The following USP45 variants were observed in gnomAD, a reference collection of about 807,000 sequenced individuals.
The protein encoded by USP45 is ubiquitin specific peptidase 45, also known as ubiquitin carboxyl-terminal hydrolase 45.
A neutral mutation model predicts 95.8 loss-of-function variants in USP45; 89 were observed. The ratio of observed to expected loss-of-function variants is 0.93; its 90% CI spans 0.78 to 1.11. The LOEUF is 1.11. Ranked by LOEUF, USP45 falls within the 50% of genes least tolerant of loss-of-function variation. The probability of loss-of-function intolerance (pLI) is 0.00; values close to 1 mark genes in which losing one functional copy is unlikely to be tolerated. For missense variants in USP45, 898 were observed against 942.5 expected, an observed-to-expected ratio of 0.95 and a Z score of 0.62; for synonymous variants, 281 against 316.2, an observed-to-expected ratio of 0.89 and a Z score of 1.18.
intron 9 of USP45, among the ~76,000 whole-genome samples, chr6:99,470,825 T>C (rs1244159815): frequency 6.6e-6 from 1 of 152,154 alleles, no homozygotes; most frequent in Non-Finnish European, 1.5e-5. Flanking sequence ...TAAATACCAA[T>C]GTTCACTCGC....
chr6:99,446,527 A>G, intron 13 of USP45, 64 bp from the exon 14 acceptor site: 1 of 1,395,270 alleles, frequency 7.2e-7, no homozygotes, highest in South Asian at 1.4e-5. Flanking sequence ...AAATGCCAAT[A>G]ATTCTTAAAC....
chr6:99,462,761 C>G, intron 13 of USP45: 1 of 889,302 alleles, frequency 1.1e-6, no homozygotes, highest in Non-Finnish European at 1.4e-6. Flanking sequence ...AGGTAGATCA[C>G]TTGAGGTCAT....
chr6:99,446,324 T>C lies in USP45; in HGVS notation c.1448A>G (p.Asn483Ser). 1 of 1,614,228 alleles carries C rather than the reference T, an allele frequency of 6.2e-7. No individual in the cohort carries two copies. The highest frequency in any genetic ancestry group is 1.1e-5 in the South Asian group (1 of 91,088). Residue 483 changes from asparagine (N) to serine (S), a missense_variant, in exon 14 of 18, where the codon AAT becomes AGT. Coordinates refer to ENST00000500704, the MANE Select transcript of USP45 (RefSeq NM_001346022.3). The part of the protein sequence containing the change: ...ASLMNSESRL[N>S]ESPTDDSEKE... Reference sequence around the variant, plus strand: ...TTCACTGTCATCAGTAGGGCTTTCATTCAGACGTGACTCAGAATTCATGAG... The same window carrying C: ...TTCACTGTCATCAGTAGGGCTTTCACTCAGACGTGACTCAGAATTCATGAG...
intron 2 of USP45, 37 bp downstream of exon 2, chr6:99,510,084 C>T (rs953342270): frequency 1.4e-6 from 2 of 1,474,524 alleles, no homozygotes; most frequent in Admixed American, 1.7e-5. Flanking sequence ...GTTATTTCTT[C>T]TCAACACTAT....
intron 7 of USP45, among the ~76,000 whole-genome samples, chr6:99,487,775 C>T (rs1041286696): frequency 3.3e-5 from 5 of 151,964 alleles, no homozygotes; most frequent in Non-Finnish European, 7.4e-5. Flanking sequence ...AGCCTGCACT[C>T]CAGCGACAGA....
At chr6:99,504,305 A>T (rs1798032652) in intron 4 of USP45, among the ~76,000 whole-genome samples, 1 of 152,016 alleles carries the variant, frequency 6.6e-6, no homozygotes, top group Non-Finnish European at 1.5e-5. Flanking sequence ...ACGCCCAGCT[A>T]ATTTTTGTAT....
chr6:99,503,706 G>A, intron 5 of USP45, 59 bp downstream of exon 5: 1 of 1,118,620 alleles, frequency 8.9e-7, no homozygotes, highest in Non-Finnish European at 1.3e-6. Flanking sequence ...ATGAATTTAT[G>A]AACTCTATAT....
At position 99,432,447 on chromosome 6, in the gene USP45, G is replaced by A. The variant is rs1779849538; in HGVS notation, c.*3269C>T. The A allele has an allele frequency of 6.6e-6, 1 of 151,942 alleles. No individual in the cohort carries two copies. The highest frequency in any genetic ancestry group is 6.6e-5 in the Admixed American group (1 of 15,246). The allele number at this position is 151,942 out of a possible 1,614,324, so 9.4% of individuals were successfully genotyped here. A position where few individuals can be genotyped will look rare whatever the true frequency, so the allele number is the denominator to read the frequency against. Reference sequence around the variant, plus strand: ...TTCCAGGACCAATCTTGTAACATGAGATAAATAAGAATATTTATTATGCAT... The same window carrying A: ...TTCCAGGACCAATCTTGTAACATGAAATAAATAAGAATATTTATTATGCAT... On this transcript the variant is annotated 3_prime_UTR_variant, in exon 18 of 18. Transcript: ENST00000500704.
intron 11 of USP45, among the ~76,000 whole-genome samples, 158 bp from the exon 12 acceptor site, chr6:99,465,294 T>A (rs1005519676): frequency 6.6e-6 from 1 of 152,054 alleles, no homozygotes; most frequent in Non-Finnish European, 1.5e-5. Flanking sequence ...TTGCAGCACA[T>A]TGTTAATCAA....
intron 13 of USP45, among the ~76,000 whole-genome samples, chr6:99,459,049 T>A (rs1431732354): frequency 6.6e-6 from 1 of 152,182 alleles, no homozygotes; most frequent in East Asian, 1.9e-4. Flanking sequence ...GGTAAACTTG[T>A]GTCACAGGGG....
intron 4 of USP45, among the ~76,000 whole-genome samples, chr6:99,505,332 A>C (rs959544782): frequency 2.0e-5 from 3 of 152,202 alleles, no homozygotes; most frequent in Non-Finnish European, 4.4e-5. Context: ...GTGATCATTT[A>C]AGAACATGTG....
intron 7 of USP45, among the ~76,000 whole-genome samples, chr6:99,487,633 C>CAAAAAAAAAAAAAAAAAA (rs11335830): frequency 5.6e-5 from 6 of 106,392 alleles, no homozygotes; most frequent in Non-Finnish European, 9.3e-5. Context: ...ACTAAAAATA[C>CAAAAAAAAAAAAAAAAAA]AAAAAAAAAA....
Position 99,464,708 on chromosome 6 carries a change from T to C in USP45, c.1204A>G (p.Arg402Gly). 6.2e-7 allele frequency: 1 copy of C among 1,611,422 alleles called. No individual in the cohort carries two copies. Among genetic ancestry groups the C allele is most frequent in the Non-Finnish European group, 8.5e-7 (1 of 1,179,500 alleles). ...PLLWGRMNKY[R>G]SLRETDHDRY... ...TCATGATCTGTCTCCCGTAAACTTC[T>C]ATATTTATTCATTCTTCCCCAAAGT... The change falls in exon 13 of 18, where the codon AGA becomes GGA. Residue 402 changes from arginine to glycine, a missense_variant. Transcript: ENST00000500704.
rs186826476 is a variant in USP45 at position 99,440,117 on chromosome 6, T to C, written c.2074-262A>G. On this transcript the variant is annotated intron_variant, in intron 15 of 17. Coordinates refer to ENST00000500704, the MANE Select transcript of USP45 (RefSeq NM_001346022.3). ...TTTCATTATGGCTTTTCAACACTTA[T>C]GGAAAAATAAATTCAATATAAAAGC... is the stretch of plus-strand genomic sequence containing the variant. Among the ~76,000 whole-genome samples the C allele has an allele frequency of 1.6e-4, 25 of 152,312 alleles. 1 individual carries two copies. Among genetic ancestry groups the C allele is most frequent in the Admixed American group, 1.3e-3 (20 of 15,294 alleles).
chr6:99,437,545 GAAA>G, intron 16 of USP45, 146 bp from the exon 17 acceptor site: 2 of 851,150 alleles, frequency 2.3e-6, no homozygotes, highest in Admixed American at 7.2e-5. Context: ...TGGCAAAATG[GAAA>G]AACCTTAACA....
chr6:99,474,846 A>G (rs1790398666), intron 9 of USP45, among the ~76,000 whole-genome samples: 1 of 152,148 alleles, frequency 6.6e-6, no homozygotes, highest in African/African-American at 2.4e-5. Context: ...AACTGATCCT[A>G]TGTGCACAGG....
rs78024609 is a variant in USP45 at position 99,439,847 on chromosome 6, C to T, written c.2082G>A (p.Leu694=). The T allele has an allele frequency of 6.2e-7, 1 of 1,605,598 alleles. No individual in the cohort carries two copies. The highest frequency in any genetic ancestry group is 1.1e-5 in the South Asian group (1 of 89,222). The part of the protein sequence containing the change: ...LHLKRFHQAG[L]SLRKVNRHVD... The stretch of plus-strand genomic sequence containing the variant: ...CATGTCTGTTTACTTTACGAAGACT[C>T]AAGCCAGCCTTAAAAAGACCAAAAC... The change falls in exon 16 of 18, where the codon TTG becomes TTA. Residue 694 remains leucine (L), a synonymous_variant. Coordinates refer to ENST00000500704, the MANE Select transcript of USP45 (RefSeq NM_001346022.3).
chr6:99,465,714 A>C (rs1787789595), intron 11 of USP45, among the ~76,000 whole-genome samples: 1 of 152,160 alleles, frequency 6.6e-6, no homozygotes, highest in Non-Finnish European at 1.5e-5. Context: ...AACACAGAAA[A>C]ATACTCATAA....
intron 13 of USP45, chr6:99,461,690 T>C (rs1786500887): frequency 2.0e-6 from 2 of 984,984 alleles, no homozygotes; most frequent in Non-Finnish European, 2.4e-6. Context: ...ACTCATATAA[T>C]TTGGCAAACA....
Sources: gnomAD v4.1 joint callset for allele counts (sites outside exome capture counted in the v4.1 genomes callset) on GRCh38, gnomAD v4.1.1 for gene constraint, MANE v1.5 for transcripts, NCBI Gene and HGNC (gene_info 2026-07-23, HGNC 2026-07-21) for gene names.